Variants in ANKRD30A observed in about 807,000 individuals in gnomAD.
ANKRD30A encodes ankyrin repeat domain-containing protein 30A.
A neutral mutation model predicts 166.3 loss-of-function variants in ANKRD30A; 170 were observed. The observed-to-expected ratio is 1.02, with a 90% CI of 0.90 to 1.16. The LOEUF (loss-of-function observed/expected upper bound fraction) is 1.16. Ranked by LOEUF, ANKRD30A falls within the 50% of genes most tolerant of loss-of-function variation. The pLI, the probability that ANKRD30A is intolerant of heterozygous loss-of-function variation, is 0.00. For missense variants in ANKRD30A, 1,630 were observed against 1,518.0 expected (o/e 1.07, Z -1.23); for synonymous variants, 564 against 508.9 (o/e 1.11, Z -1.46).
intron 25 of ANKRD30A, among the ~76,000 whole-genome samples, chr10:37,191,247 C>A (rs1463266566): frequency 6.6e-6 from 1 of 151,674 alleles, no homozygotes; most frequent in Non-Finnish European, 1.5e-5. Context: ...AAAATGTTGG[C>A]ATACTATTCC....
intron 24 of ANKRD30A, among the ~76,000 whole-genome samples, chr10:37,179,116 C>A (rs1195396657): frequency 1.4e-5 from 2 of 144,038 alleles, no homozygotes; most frequent in Admixed American, 7.1e-5. Context: ...ATAAGATATA[C>A]TTGAATGTAA....
chr10:37,228,453 GA>G (rs1262775000), intron 34 of ANKRD30A, among the ~76,000 whole-genome samples: 1 of 151,940 alleles, frequency 6.6e-6, no homozygotes, highest in Non-Finnish European at 1.5e-5. Flanking sequence ...AAAGGAAAAT[GA>G]ATAGTGAATG....
chr10:37,149,606 G>C lies in ANKRD30A; in HGVS notation c.1544-45G>C, dbSNP rs753630511. On this transcript the variant is annotated intron_variant, in intron 9 of 35. Transcript: ENST00000361713. ...TGACTGCATTCATTTGGTTGGCATT[G>C]TCATACTTACTTATGATTGATGATA... The C allele has an allele frequency of 2.3e-5, 36 of 1,594,236 alleles. No individual in the cohort carries two copies. In the South Asian group the frequency reaches 3.3e-4, roughly 15 times the overall value.
chr10:37,130,168 A>G (rs1467180045), intron 2 of ANKRD30A, 37 bp from the exon 3 acceptor site: 3 of 1,365,154 alleles, frequency 2.2e-6, no homozygotes, highest in South Asian at 3.6e-5. Flanking sequence ...ATTATAAATT[A>G]TACAGTTTAC....
At chr10:37,209,112 G>C (rs1842144110) in intron 31 of ANKRD30A, among the ~76,000 whole-genome samples, 1 of 152,042 alleles carries the variant, frequency 6.6e-6, no homozygotes, top group East Asian at 1.9e-4. Flanking sequence ...TCACAAATTG[G>C]TTGAATTTTT....
intron 31 of ANKRD30A, among the ~76,000 whole-genome samples, chr10:37,215,096 C>T (rs1430265971): frequency 6.6e-6 from 1 of 151,522 alleles, no homozygotes; most frequent in African/African-American, 2.4e-5. Context: ...TATTGCTCTA[C>T]TTATCTTCTT....
rs187102778 is a variant in ANKRD30A, at chr10:37,190,680, G to C, written c.2512+1123G>C. Among the ~76,000 whole-genome samples the C allele has an allele frequency of 2.6e-4, 39 of 151,800 alleles. 2 individuals carry two copies. Among genetic ancestry groups the C allele is most frequent in the African/African-American group, 7.8e-4 (32 of 41,268 alleles). The stretch of plus-strand genomic sequence containing the variant: ...AAGGAAAATGGAGTGAGCTCACTTC[G>C]GAAGCATTTAGAAAAGTTTTACTGC... On this transcript the variant is annotated intron_variant, in intron 25 of 35. Transcript: ENST00000361713.
At chr10:37,158,746 AT>A (rs1228840425) in intron 15 of ANKRD30A, among the ~76,000 whole-genome samples, 160 bp downstream of exon 15, 6 of 152,144 alleles carry the variant, frequency 3.9e-5, no homozygotes, top group African/African-American at 9.7e-5. Flanking sequence ...AGAAAATGCC[AT>A]TTACAAGCAT....
the ANKRD30A span, among the ~76,000 whole-genome samples, chr10:37,258,027 A>C: frequency 1.3e-5 from 2 of 152,168 alleles, no homozygotes; most frequent in African/African-American, 4.8e-5. Flanking sequence ...TGGGGCTTAA[A>C]AGCCAGATGA....
chr10:37,127,838 A>C (rs1227035618), intron 1 of ANKRD30A, among the ~76,000 whole-genome samples: 1 of 152,126 alleles, frequency 6.6e-6, no homozygotes, highest in Non-Finnish European at 1.5e-5. Context: ...TTTCAAATAG[A>C]CAATTTGATG....
At chr10:37,231,846 C>T (rs1843425914) in intron 35 of ANKRD30A, among the ~76,000 whole-genome samples, 166 bp downstream of exon 35, 1 of 152,014 alleles carries the variant, frequency 6.6e-6, no homozygotes, top group Non-Finnish European at 1.5e-5. Flanking sequence ...TTCTAAAAGT[C>T]CCTGGAGCTC....
At chr10:37,234,653 G>T (rs1843596058), downstream of ANKRD30A, among the ~76,000 whole-genome samples, 1 of 152,050 alleles carries the variant, frequency 6.6e-6, no homozygotes, top group South Asian at 2.1e-4. Context: ...AGATGTTTGA[G>T]ATAGGAAGAC....
intron 19 of ANKRD30A, among the ~76,000 whole-genome samples, chr10:37,167,399 G>A (rs1839442779): frequency 6.6e-6 from 1 of 150,832 alleles, no homozygotes; most frequent in African/African-American, 2.5e-5. Flanking sequence ...AGCAAATTGT[G>A]TTGGTAAAAT....
chr10:37,126,839 G>A (rs1836050881), intron 1 of ANKRD30A, among the ~76,000 whole-genome samples: 1 of 152,014 alleles, frequency 6.6e-6, no homozygotes. Context: ...TCTGAGGTCA[G>A]GAGTTCAAGA....
intron 13 of ANKRD30A, among the ~76,000 whole-genome samples, chr10:37,157,299 G>A (rs1838459479): frequency 6.6e-6 from 1 of 152,166 alleles, no homozygotes; most frequent in South Asian, 2.1e-4. Context: ...TTTTGAATAA[G>A]CATTATTGTA....
At chr10:37,153,992 C>T (rs1838166566) in intron 13 of ANKRD30A, among the ~76,000 whole-genome samples, 1 of 152,044 alleles carries the variant, frequency 6.6e-6, no homozygotes, top group Non-Finnish European at 1.5e-5. Context: ...GAACAAGAAG[C>T]AGGTTTATAT....
chr10:37,190,007 C>G (rs561813455), intron 25 of ANKRD30A, among the ~76,000 whole-genome samples: 7 of 151,972 alleles, frequency 4.6e-5, no homozygotes, highest in Admixed American at 4.6e-4. Context: ...CAGAGAATTA[C>G]AGCAAAAATA....
At chr10:37,132,014 A>G (rs530542450) in intron 3 of ANKRD30A, among the ~76,000 whole-genome samples, 12 of 152,344 alleles carry the variant, frequency 7.9e-5, no homozygotes, top group African/African-American at 1.9e-4. Context: ...TCATTACAAT[A>G]TAATGATTTT....
chr10:37,193,651 G>C (rs1436654704), intron 27 of ANKRD30A, among the ~76,000 whole-genome samples: 2 of 151,928 alleles, frequency 1.3e-5, no homozygotes, highest in Admixed American at 1.3e-4. Flanking sequence ...AGTTGTGAGT[G>C]TTACCACTCT....
Sources: allele counts gnomAD v4.1 joint callset (sites outside exome capture counted in the v4.1 genomes callset), GRCh38; gene constraint gnomAD v4.1.1; transcripts MANE v1.5; gene names NCBI Gene and HGNC (gene_info 2026-07-23, HGNC 2026-07-21).